The following SWT1 variants were observed in gnomAD, a reference collection of about 807,000 sequenced individuals.
SWT1 encodes SWT1 RNA endoribonuclease homolog.
In SWT1, 33 loss-of-function variants were observed where a neutral mutation model predicts 107.3. That is an observed-to-expected ratio of 0.31 (90% CI 0.23 to 0.41). SWT1 has a LOEUF of 0.41. Ranked by LOEUF, SWT1 falls within the 10% of genes least tolerant of loss-of-function variation. SWT1 has a pLI of 1.00. For synonymous variants in SWT1, 345 were observed against 348.3 expected, an observed-to-expected ratio of 0.99 and a Z score of 0.11; for missense variants, 898 against 1,028.9, an observed-to-expected ratio of 0.87 and a Z score of 1.74.
At chr1:185,202,554 A>T in intron 10 of SWT1, 100 bp from the exon 11 acceptor site, 1 of 1,003,938 alleles carries the variant, frequency 1.0e-6, no homozygotes, top group Non-Finnish European at 1.5e-6. Context: ...ATAGGCTGAG[A>T]ATCACCTGCC....
intron 7 of SWT1, among the ~76,000 whole-genome samples, chr1:185,182,642 G>A (rs1443563699): frequency 4.3e-5 from 6 of 138,946 alleles, no homozygotes; most frequent in Non-Finnish European, 7.6e-5. Context: ...TCCAGCCTTG[G>A]TGACAGAACA....
chr1:185,218,787 G>A (rs1184010174), intron 14 of SWT1, among the ~76,000 whole-genome samples: 2 of 152,024 alleles, frequency 1.3e-5, no homozygotes, highest in African/African-American at 4.8e-5. Flanking sequence ...CCTGAGTTGT[G>A]GTATTTTTAA....
chr1:185,180,175 C>A (rs932534155), intron 5 of SWT1, among the ~76,000 whole-genome samples: 10 of 151,954 alleles, frequency 6.6e-5, no homozygotes, highest in Non-Finnish European at 1.2e-4. Context: ...CAGAGTGAGA[C>A]CCTGTCTTTA....
chr1:185,204,872 T>A lies in SWT1; in HGVS notation c.1833+9T>A, dbSNP rs946964728. 1 of 1,522,488 alleles carries A rather than the reference T, an allele frequency of 6.6e-7. No individual in the cohort carries two copies. Among genetic ancestry groups the A allele is most frequent in the Non-Finnish European group, 8.8e-7 (1 of 1,135,608 alleles). 94.3% of individuals were successfully genotyped at this position (1,522,488 alleles called of 1,614,324 possible). A position where few individuals can be genotyped will look rare whatever the true frequency, so the allele number is the denominator to read the frequency against. On this transcript the variant is annotated intron_variant, in intron 12 of 18. Transcript: ENST00000367500. ...GAAACCTTTGGATGGAGGTGATTAG[T>A]TGAACTCTATTAGTTGAAAATTTCT...
At chr1:185,215,691 C>T (rs7552662) in intron 14 of SWT1, among the ~76,000 whole-genome samples, 64,709 of 151,778 alleles carry the variant, frequency 0.43, 14,987 homozygotes, top group African/African-American at 0.62. Flanking sequence ...GGCATGGCAC[C>T]ACCACACCTG....
At chr1:185,166,203 G>C (rs1393856451) in intron 2 of SWT1, among the ~76,000 whole-genome samples, 3 of 152,212 alleles carry the variant, frequency 2.0e-5, no homozygotes, top group African/African-American at 7.2e-5. Flanking sequence ...CTTCAAACAA[G>C]TTTGTCCTAG....
intron 14 of SWT1, among the ~76,000 whole-genome samples, chr1:185,219,563 G>A (rs1659478412): frequency 6.6e-6 from 1 of 152,098 alleles, no homozygotes; most frequent in Admixed American, 6.6e-5. Context: ...CTAGAGAAAT[G>A]GAGTGATTTT....
intron 2 of SWT1, among the ~76,000 whole-genome samples, chr1:185,164,485 A>G (rs111813360): frequency 2.0e-5 from 3 of 152,346 alleles, no homozygotes; most frequent in African/African-American, 4.8e-5. Flanking sequence ...CTGTTTGTCT[A>G]TGTTGAAAAT....
intron 10 of SWT1, among the ~76,000 whole-genome samples, chr1:185,201,657 G>T (rs1657894678): frequency 1.3e-5 from 2 of 152,164 alleles, no homozygotes; most frequent in South Asian, 4.1e-4. Flanking sequence ...TTTCTGCATT[G>T]ATCTAGCTGG....
intron 17 of SWT1, among the ~76,000 whole-genome samples, chr1:185,275,615 G>A (rs1664190416): frequency 6.6e-6 from 1 of 151,498 alleles, no homozygotes; most frequent in Non-Finnish European, 1.5e-5. Context: ...AAACTCCTGG[G>A]TTCAAATAAT....
intron 3 of SWT1, among the ~76,000 whole-genome samples, chr1:185,167,129 A>G (rs565380310): frequency 3.3e-5 from 5 of 152,264 alleles, no homozygotes; most frequent in South Asian, 4.1e-4. Context: ...GATGGTCTCA[A>G]ACTCCTGACC....
At chr1:185,192,516 T>C (rs1657039319) in intron 10 of SWT1, among the ~76,000 whole-genome samples, 1 of 152,138 alleles carries the variant, frequency 6.6e-6, no homozygotes, top group Non-Finnish European at 1.5e-5. Context: ...ACTCCTGGGC[T>C]CAAGTGATCC....
chr1:185,176,433 A>C (rs1308915008), intron 5 of SWT1: 1 of 299,730 alleles, frequency 3.3e-6, no homozygotes. Context: ...AGGCAGAGGG[A>C]GCTACATGAG....
intron 10 of SWT1, among the ~76,000 whole-genome samples, chr1:185,192,175 A>C (rs1243228715): frequency 6.6e-6 from 1 of 152,226 alleles, no homozygotes; most frequent in Non-Finnish European, 1.5e-5. Flanking sequence ...CTGCACCAGC[A>C]ATACAATTAA....
chr1:185,254,979 G>T (rs1359199254), intron 16 of SWT1, among the ~76,000 whole-genome samples: 1 of 151,938 alleles, frequency 6.6e-6, no homozygotes, highest in Non-Finnish European at 1.5e-5. Flanking sequence ...GGTATGTTGT[G>T]TCTTTGTTCT....
intron 16 of SWT1, among the ~76,000 whole-genome samples, chr1:185,261,009 G>T (rs1247234285): frequency 1.3e-5 from 2 of 151,926 alleles, no homozygotes; most frequent in Admixed American, 1.3e-4. Flanking sequence ...ATTTTTAATT[G>T]TGGGAAAATG....
chr1:185,226,007 G>GTT (rs758493758), intron 15 of SWT1, among the ~76,000 whole-genome samples: 1 of 151,226 alleles, frequency 6.6e-6, no homozygotes, highest in Non-Finnish European at 1.5e-5. Context: ...TAAAGCAAAG[G>GTT]TTTTTTTTTG....
At chr1:185,215,768 G>A (rs891492625) in intron 14 of SWT1, among the ~76,000 whole-genome samples, 1 of 152,102 alleles carries the variant, frequency 6.6e-6, no homozygotes. Flanking sequence ...CTTGACTCCT[G>A]GACTCAAGCA....
chr1:185,253,586 T>C (rs1479714403), intron 16 of SWT1, among the ~76,000 whole-genome samples: 1 of 150,896 alleles, frequency 6.6e-6, no homozygotes, highest in Admixed American at 6.6e-5. Context: ...TCTCTGTTTG[T>C]TGTTGGTGTA....
Sources: allele counts gnomAD v4.1 joint callset (sites outside exome capture counted in the v4.1 genomes callset), GRCh38; gene constraint gnomAD v4.1.1; transcripts MANE v1.5; gene names NCBI Gene and HGNC (gene_info 2026-07-23, HGNC 2026-07-21).